ARHGAP6: variants seen among roughly 807,000 people sequenced by gnomAD.
ARHGAP6 encodes Rho GTPase activating protein 6, also known as rho GTPase-activating protein 6.
Under a neutral mutation model 55.7 loss-of-function variants are expected in ARHGAP6, and 16 were observed. That is an observed-to-expected ratio of 0.29 (90% confidence interval 0.19 to 0.44). The LOEUF (loss-of-function observed/expected upper bound fraction) is 0.44, where lower values mean the gene tolerates loss of function less well. ARHGAP6 is among the 20% of genes least tolerant of loss of function. The pLI is 1.00. For synonymous variants in ARHGAP6, 382 were observed against 360.9 expected, an observed-to-expected ratio of 1.06 and a Z score of -0.66; for missense variants, 698 against 808.9, an observed-to-expected ratio of 0.86 and a Z score of 1.66.
At chrX:11,265,775 A>T in intron 1 of ARHGAP6, 1 of 931,387 alleles carries the variant, frequency 1.1e-6, no homozygotes, top group Admixed American at 4.4e-5. Context: ...TTTTAAAAAA[A>T]TTATTTTTTT....
intron 2 of ARHGAP6, 40 bp downstream of exon 2, chrX:11,254,508 C>G: frequency 8.4e-7 from 1 of 1,191,522 alleles, no homozygotes; most frequent in Non-Finnish European, 1.1e-6. Context: ...CAATATTTGA[C>G]TTGCAGTGTT....
Position 11,248,721 on chromosome X carries a change from C to A in ARHGAP6, c.748+5827G>T, listed in dbSNP as rs183342399. Among the ~76,000 whole-genome samples the A allele has an allele frequency of 6.2e-5, 7 of 112,064 alleles. No individual in the cohort carries two copies. The Admixed American group carries it at 6.6e-4, about 11-fold the overall frequency. On this transcript the variant is annotated intron_variant, in intron 2 of 12. Coordinates refer to ENST00000337414, the MANE Select transcript of ARHGAP6 (RefSeq NM_013427.3). ...GCAAATCAAAATCACAATGTGATAC[C>A]ACCTTACTCCTGCAAGAATGGCCAT...
At position 11,488,138 on chromosome X, in the gene ARHGAP6, G is replaced by T. The variant is rs750651077; in HGVS notation, c.588+176103C>A. 9.8e-5 allele frequency among the ~76,000 whole-genome samples: 11 copies of T among 111,927 alleles called. No individual in the cohort carries two copies. In the South Asian group the frequency reaches 3.7e-3, roughly 37 times the overall value. ...CTGTTCCAAATATAAAGAGAGTAAA[G>T]AGATATGACAACCAAGTACAACTTA... On this transcript the variant is annotated intron_variant, in intron 1 of 12. Coordinates refer to ENST00000337414, the MANE Select transcript of ARHGAP6 (RefSeq NM_013427.3).
chrX:11,571,629 C>A (rs909405200), intron 1 of ARHGAP6, among the ~76,000 whole-genome samples: 1 of 108,286 alleles, frequency 9.2e-6, no homozygotes, highest in African/African-American at 3.4e-5. Context: ...GTAACCTCAG[C>A]ATTTTGGGAG....
intron 1 of ARHGAP6, among the ~76,000 whole-genome samples, chrX:11,482,627 G>A (rs1188170230): frequency 2.7e-5 from 3 of 111,448 alleles, no homozygotes; most frequent in African/African-American, 6.5e-5. Flanking sequence ...GACTGTCATG[G>A]ACCCTGTGGC....
intron 1 of ARHGAP6, among the ~76,000 whole-genome samples, chrX:11,545,893 G>A (rs759549947): frequency 1.1e-4 from 12 of 111,549 alleles, no homozygotes; most frequent in Non-Finnish European, 2.1e-4. Flanking sequence ...TTTGTGAAAG[G>A]ATGTAAAGCT....
chrX:11,662,123 G>T (rs1034118419), intron 1 of ARHGAP6, among the ~76,000 whole-genome samples: 6 of 111,996 alleles, frequency 5.4e-5, no homozygotes, highest in Non-Finnish European at 9.4e-5. Context: ...GATGCTCATT[G>T]GCTGACATTT....
intron 1 of ARHGAP6, among the ~76,000 whole-genome samples, chrX:11,446,811 G>T (rs777019900): frequency 8.9e-6 from 1 of 111,955 alleles, no homozygotes; most frequent in Admixed American, 9.5e-5. Flanking sequence ...TATTTTATTT[G>T]TAGGGAAGTA....
intron 1 of ARHGAP6, among the ~76,000 whole-genome samples, chrX:11,627,624 G>A (rs5979438): frequency 0.14 from 15,479 of 110,654 alleles, 998 homozygotes; most frequent in Middle Eastern, 0.22. Context: ...AGGTCAAAGT[G>A]ATTAGGAACC....
intron 1 of ARHGAP6, among the ~76,000 whole-genome samples, chrX:11,460,507 T>A (rs2050234277): frequency 9.0e-6 from 1 of 111,415 alleles, no homozygotes; most frequent in South Asian, 3.9e-4. Flanking sequence ...AACTGTGGGA[T>A]AATGTATGTG....
chrX:11,227,988 T>A (rs1326075692), intron 2 of ARHGAP6, among the ~76,000 whole-genome samples: 1 of 110,684 alleles, frequency 9.0e-6, no homozygotes, highest in Non-Finnish European at 1.9e-5. Flanking sequence ...ATTTTTTACG[T>A]CTTCCTCAGT....
In ARHGAP6 at chrX:11,561,699, A is replaced by G. The variant is rs1287873122; in HGVS notation, c.588+102542T>C. ...CTATGACCCCAAAGGAAATAAAGTT[A>G]TATCTGGCCAACCCAAATTTTCTGC... is the stretch of plus-strand genomic sequence containing the variant. On this transcript the variant is annotated intron_variant, in intron 1 of 12. Transcript: ENST00000337414. Among the ~76,000 whole-genome samples the G allele has an allele frequency of 4.4e-5, 5 of 112,588 alleles. No individual in the cohort carries two copies. In the Admixed American group the frequency reaches 4.7e-4, roughly 11 times the overall value.
At chrX:11,422,527 A>G (rs1011478705) in intron 1 of ARHGAP6, among the ~76,000 whole-genome samples, 12 of 112,092 alleles carry the variant, frequency 1.1e-4, no homozygotes, top group African/African-American at 3.6e-4. Context: ...TCACTATTTC[A>G]TTACCTTTTA....
Position 11,353,462 on chromosome X carries a change from T to A in ARHGAP6, c.589-98755A>T, listed in dbSNP as rs1002102718. On this transcript the variant is annotated intron_variant, in intron 1 of 12. Coordinates refer to ENST00000337414, the MANE Select transcript of ARHGAP6 (RefSeq NM_013427.3). ...CAGGACATTTACTGAACTTGGCCAGTGCTTAGAAGTCTTTAGTATTGAGCT... is the reference window on the plus strand; with the variant it reads ...CAGGACATTTACTGAACTTGGCCAGAGCTTAGAAGTCTTTAGTATTGAGCT... Among the ~76,000 whole-genome samples, 3 of 111,202 alleles carry A rather than the reference T, an allele frequency of 2.7e-5. 1 individual carries two copies. Among genetic ancestry groups the A allele is most frequent in the Non-Finnish European group, 3.8e-5 (2 of 53,037 alleles).
At chrX:11,657,907 A>G (rs1025578374) in intron 1 of ARHGAP6, among the ~76,000 whole-genome samples, 2 of 111,983 alleles carry the variant, frequency 1.8e-5, no homozygotes, top group Admixed American at 9.4e-5. Flanking sequence ...AGTTTTGCCC[A>G]GAAGTCTAGC....
chrX:11,286,933 C>T (rs972776772), intron 1 of ARHGAP6, among the ~76,000 whole-genome samples: 1 of 112,005 alleles, frequency 8.9e-6, no homozygotes, highest in African/African-American at 3.2e-5. Context: ...TTCACTGTTA[C>T]TGGGTATGGG....
chrX:11,346,508 A>T (rs2048786159), intron 1 of ARHGAP6, among the ~76,000 whole-genome samples: 2 of 111,243 alleles, frequency 1.8e-5, no homozygotes, highest in African/African-American at 3.3e-5. Context: ...GCTGGAGCCC[A>T]GGAGTTTGAG....
intron 1 of ARHGAP6, among the ~76,000 whole-genome samples, chrX:11,405,510 A>C (rs1040337594): frequency 2.1e-4 from 23 of 111,961 alleles, no homozygotes; most frequent in African/African-American, 7.5e-4. Flanking sequence ...GTATCCTACA[A>C]ATCAAGGGTT....
intron 1 of ARHGAP6, among the ~76,000 whole-genome samples, chrX:11,520,734 C>A (rs1338283113): frequency 9.0e-6 from 1 of 111,688 alleles, no homozygotes; most frequent in Non-Finnish European, 1.9e-5. Context: ...GAGGAATCGC[C>A]ACACTGACTT....
Sources: allele counts gnomAD v4.1 joint callset (sites outside exome capture counted in the v4.1 genomes callset), GRCh38; gene constraint gnomAD v4.1.1; transcripts MANE v1.5; gene names NCBI Gene and HGNC (gene_info 2026-07-23, HGNC 2026-07-21).